Variants in SNX13 observed in about 807,000 individuals in gnomAD.
The protein encoded by SNX13 is sorting nexin-13.
A neutral mutation model predicts 133.6 loss-of-function variants in SNX13; 45 were observed. That is an observed-to-expected ratio of 0.34 (90% CI 0.27 to 0.43). The LOEUF (loss-of-function observed/expected upper bound fraction) is 0.43, where lower values mean the gene tolerates loss of function less well. Among genes scored for constraint, SNX13 ranks in the 20% least tolerant of loss-of-function variants. SNX13 has a pLI of 1.00. For synonymous variants in SNX13, 414 were observed against 373.9 expected (o/e 1.11, Z -1.24); for missense variants, 1,032 against 1,145.1 (o/e 0.90, Z 1.43).
rs117695495 is a variant in SNX13 at position 17,844,860 on chromosome 7, A to G, written c.1165+735T>C. Among the ~76,000 whole-genome samples, 298 of 152,178 alleles carry G rather than the reference A, an allele frequency of 2.0e-3. 2 individuals are homozygous for G. Among genetic ancestry groups the G allele is most frequent in the Non-Finnish European group, 2.6e-3 (176 of 67,972 alleles). On this transcript the variant is annotated intron_variant, in intron 12 of 25. Coordinates refer to ENST00000428135, the MANE Select transcript of SNX13 (RefSeq NM_015132.5). ...TTCAACACATTTTCATGACAAAAACACTCAATAAACTAGGAACAGAAGGCT... is the reference window on the plus strand; with the variant it reads ...TTCAACACATTTTCATGACAAAAACGCTCAATAAACTAGGAACAGAAGGCT...
At chr7:17,908,976 A>G (rs1176819960) in intron 1 of SNX13, among the ~76,000 whole-genome samples, 1 of 152,132 alleles carries the variant, frequency 6.6e-6, no homozygotes, top group Non-Finnish European at 1.5e-5. Context: ...ATAACTGATA[A>G]AGAGACCATA....
Position 17,851,060 on chromosome 7 carries a change from C to T in SNX13, c.838-96G>A. 4.7e-6 allele frequency: 6 copies of T among 1,278,760 alleles called. No homozygotes were observed. In the Admixed American group the frequency reaches 8.6e-5, roughly 18 times the overall value. The allele number at this position is 1,278,760 out of a possible 1,614,324, so 79.2% of individuals were successfully genotyped here. The stretch of plus-strand genomic sequence containing the variant: ...GCCTACTATGTGCTAGGACAATTTG[C>T]TACATACTCAGTGCTTACAACAAAA... On this transcript the variant is annotated intron_variant, in intron 9 of 25. Coordinates refer to ENST00000428135, the MANE Select transcript of SNX13 (RefSeq NM_015132.5).
At chr7:17,900,707 A>G (rs940025671) in intron 1 of SNX13, among the ~76,000 whole-genome samples, 4 of 151,946 alleles carry the variant, frequency 2.6e-5, no homozygotes, top group Admixed American at 2.6e-4. Flanking sequence ...CTTCAGGGCA[A>G]TGGGCTCCCC....
intron 20 of SNX13, among the ~76,000 whole-genome samples, chr7:17,805,552 G>A (rs539610526): frequency 1.6e-4 from 24 of 152,084 alleles, no homozygotes; most frequent in Non-Finnish European, 3.1e-4. Context: ...AAGCATAAAA[G>A]GCATGAATTT....
At chr7:17,854,678 T>G (rs754075770) in intron 9 of SNX13, among the ~76,000 whole-genome samples, 9 of 152,220 alleles carry the variant, frequency 5.9e-5, no homozygotes, top group Non-Finnish European at 1.2e-4. Context: ...AATCCTCATT[T>G]AAGATGACAA....
At chr7:17,808,543 C>T (rs1012725524) in intron 20 of SNX13, among the ~76,000 whole-genome samples, 6 of 152,160 alleles carry the variant, frequency 3.9e-5, no homozygotes, top group South Asian at 2.1e-4. Flanking sequence ...AGGATATTAT[C>T]CAGGAGAACT....
intron 8 of SNX13, among the ~76,000 whole-genome samples, chr7:17,870,572 G>A (rs1793968471): frequency 6.6e-6 from 1 of 152,196 alleles, no homozygotes; most frequent in African/African-American, 2.4e-5. Context: ...TAACAAGGCA[G>A]ATTTTCATTC....
At chr7:17,812,124 C>T (rs1786115083) in intron 20 of SNX13, among the ~76,000 whole-genome samples, 1 of 152,128 alleles carries the variant, frequency 6.6e-6, no homozygotes, top group Admixed American at 6.5e-5. Context: ...AAAGCAATGG[C>T]AACAAAAGCC....
intron 5 of SNX13, chr7:17,882,580 A>G (rs1396294538): frequency 1.3e-5 from 2 of 155,594 alleles, no homozygotes; most frequent in Non-Finnish European, 2.8e-5. Flanking sequence ...GAGTACTTTA[A>G]TCCCAAAGTA....
chr7:17,929,324 C>T (rs1275948862), intron 1 of SNX13, among the ~76,000 whole-genome samples: 2 of 152,082 alleles, frequency 1.3e-5, no homozygotes, highest in East Asian at 1.9e-4. Context: ...GAAGACCCCA[C>T]TCCTTGAGTA....
At chr7:17,838,190 T>A (rs984565159) in intron 13 of SNX13, among the ~76,000 whole-genome samples, 2 of 152,014 alleles carry the variant, frequency 1.3e-5, no homozygotes, top group Admixed American at 6.6e-5. Flanking sequence ...AATTATTTTA[T>A]TTTCTATTTC....
chr7:17,803,701 T>C (rs1784880057), intron 20 of SNX13, 121 bp from the exon 21 acceptor site: 2 of 847,666 alleles, frequency 2.4e-6, no homozygotes, highest in African/African-American at 1.7e-5. Flanking sequence ...TGGTCTATAT[T>C]ATGTCGTTAC....
rs1458075580 is a variant in SNX13, at chr7:17,873,508, T to C, written c.753+20A>G. On this transcript the variant is annotated intron_variant, in intron 8 of 25. Transcript: ENST00000428135. The stretch of plus-strand genomic sequence containing the variant: ...TCTACATTTTTTTGCAGGTATGATA[T>C]GGTATGAGTTTAAGCTTACCCTGAC... 1.5e-5 allele frequency: 22 copies of C among 1,500,400 alleles called. No homozygotes were observed. The highest frequency in any genetic ancestry group is 1.9e-5 in the Non-Finnish European group (21 of 1,124,380). The allele number at this position is 1,500,400 out of a possible 1,614,324, so 92.9% of individuals were successfully genotyped here.
At chr7:17,806,232 T>C (rs886766957) in intron 20 of SNX13, among the ~76,000 whole-genome samples, 7 of 152,078 alleles carry the variant, frequency 4.6e-5, no homozygotes, top group African/African-American at 1.7e-4. Flanking sequence ...CAAAACTGGA[T>C]AGAAAGATAC....
chr7:17,928,414 A>G (rs1024908603), intron 1 of SNX13, among the ~76,000 whole-genome samples: 5 of 152,178 alleles, frequency 3.3e-5, no homozygotes, highest in African/African-American at 4.8e-5. Context: ...ATTCTATGAC[A>G]TAAGTTATAC....
intron 9 of SNX13, among the ~76,000 whole-genome samples, chr7:17,861,342 T>TCTCTCACACA (rs1385021153): frequency 7.0e-6 from 1 of 143,120 alleles, no homozygotes; most frequent in Admixed American, 7.0e-5. Flanking sequence ...TACAGTTATC[T>TCTCTCACACA]CACACACACA....
chr7:17,837,348 C>T (rs1027992037), intron 13 of SNX13, among the ~76,000 whole-genome samples: 1 of 151,920 alleles, frequency 6.6e-6, no homozygotes, highest in African/African-American at 2.4e-5. Context: ...CTATGTTGTC[C>T]ATGCTGGTCT....
rs1261790344 is a variant in SNX13 at position 17,794,089 on chromosome 7, G to A, written c.2830C>T (p.Gln944Ter). The A allele has an allele frequency of 6.2e-7, 1 of 1,611,580 alleles. No individual in the cohort carries two copies. Among genetic ancestry groups the A allele is most frequent in the Middle Eastern group, 1.7e-4 (1 of 6,040 alleles). ...SRSKQMQKYK[Q>*]KLQTTQAPSL... ...GGCGCTTGAGTAGTTTGAAGTTTCT[G>A]TTTATATTTCTGCATCTGCTTTGAC... Residue 944 changes from glutamine to a stop codon, truncating the protein, a stop_gained, in exon 26 of 26, where the codon CAG (glutamine) becomes TAG (stop). Coordinates refer to ENST00000428135, the MANE Select transcript of SNX13 (RefSeq NM_015132.5). LOFTEE classifies it high-confidence loss of function.
At chr7:17,820,664 A>C (rs1304824304) in intron 18 of SNX13, among the ~76,000 whole-genome samples, 1 of 152,136 alleles carries the variant, frequency 6.6e-6, no homozygotes, top group East Asian at 1.9e-4. Flanking sequence ...TATATTTTCC[A>C]CTATATTAAG....
Sources: allele counts gnomAD v4.1 joint callset (sites outside exome capture counted in the v4.1 genomes callset), GRCh38; gene constraint gnomAD v4.1.1; transcripts MANE v1.5; gene names NCBI Gene and HGNC (gene_info 2026-07-23, HGNC 2026-07-21).